The following FNDC3B variants were observed in gnomAD, a reference collection of about 807,000 sequenced individuals.
FNDC3B encodes fibronectin type III domain containing 3B, also known as fibronectin type III domain-containing protein 3B.
FNDC3B carries 12 observed loss-of-function variants against 151.5 expected under a neutral mutation model. The ratio of observed to expected loss-of-function variants is 0.08; its 90% CI spans 0.05 to 0.13. FNDC3B has a LOEUF of 0.13. Among genes scored for constraint, FNDC3B ranks in the 10% least tolerant of loss-of-function variants. The probability of loss-of-function intolerance (pLI) is 1.00; values close to 1 mark genes in which losing one functional copy is unlikely to be tolerated. For synonymous variants in FNDC3B, 528 were observed against 549.0 expected (o/e 0.96, Z 0.54); for missense variants, 1,214 against 1,505.3 (o/e 0.81, Z 3.20).
At chr3:172,367,235 A>G (rs1431919766) in intron 23 of FNDC3B, among the ~76,000 whole-genome samples, 1 of 151,910 alleles carries the variant, frequency 6.6e-6, no homozygotes, top group Non-Finnish European at 1.5e-5. Context: ...TATAGAACTA[A>G]GTTCATTTCA....
chr3:172,132,604 C>G (rs988869923), intron 2 of FNDC3B, among the ~76,000 whole-genome samples: 1 of 152,158 alleles, frequency 6.6e-6, no homozygotes, highest in Non-Finnish European at 1.5e-5. Context: ...CCAGGTTTCA[C>G]CCAGGTTGGT....
chr3:172,205,724 T>C (rs768601832), intron 3 of FNDC3B, among the ~76,000 whole-genome samples: 1 of 152,246 alleles, frequency 6.6e-6, no homozygotes, highest in Non-Finnish European at 1.5e-5. Context: ...CTGAAGGTCA[T>C]CAAAATCTAA....
chr3:172,048,309 C>A (rs1214350010), intron 1 of FNDC3B, among the ~76,000 whole-genome samples: 1 of 151,946 alleles, frequency 6.6e-6, no homozygotes, highest in Non-Finnish European at 1.5e-5. Flanking sequence ...CCTTCTATAT[C>A]TTTTATTGTT....
chr3:172,132,237 C>G (rs1004146324), intron 2 of FNDC3B, among the ~76,000 whole-genome samples: 1 of 152,086 alleles, frequency 6.6e-6, no homozygotes, highest in Admixed American at 6.5e-5. Context: ...GTATCACAGA[C>G]AGAGGAAACA....
chr3:172,048,611 G>A (rs898673923), intron 1 of FNDC3B, among the ~76,000 whole-genome samples: 8 of 152,076 alleles, frequency 5.3e-5, no homozygotes, highest in African/African-American at 9.7e-5. Flanking sequence ...ATTCCTATAC[G>A]CAAAAGAAAG....
chr3:172,204,542 CAG>C (rs1184950105), intron 3 of FNDC3B, among the ~76,000 whole-genome samples: 4 of 152,100 alleles, frequency 2.6e-5, no homozygotes, highest in Non-Finnish European at 5.9e-5. Context: ...AAATGGGTGA[CAG>C]AGTTTTATTC....
At chr3:172,088,602 T>G (rs1431009875) in intron 1 of FNDC3B, among the ~76,000 whole-genome samples, 1 of 152,250 alleles carries the variant, frequency 6.6e-6, no homozygotes, top group Non-Finnish European at 1.5e-5. Context: ...AGCTATTACA[T>G]TTCTTTAAAC....
intron 3 of FNDC3B, among the ~76,000 whole-genome samples, chr3:172,197,313 T>C (rs1252007053): frequency 6.6e-6 from 1 of 152,226 alleles, no homozygotes; most frequent in Non-Finnish European, 1.5e-5. Flanking sequence ...AACCCCAACT[T>C]AGTTTAGAGA....
intron 3 of FNDC3B, among the ~76,000 whole-genome samples, chr3:172,172,025 A>G (rs778588251): frequency 7.2e-5 from 11 of 152,198 alleles, no homozygotes; most frequent in African/African-American, 1.2e-4. Context: ...GTGCCTAGCC[A>G]TCATTCCATT....
At chr3:172,147,520 C>T (rs183662973) in intron 3 of FNDC3B, among the ~76,000 whole-genome samples, 3 of 152,018 alleles carry the variant, frequency 2.0e-5, no homozygotes, top group African/African-American at 7.2e-5. Flanking sequence ...GGTGGGTGGT[C>T]CCTATAGTAT....
rs915895345 is a variant in FNDC3B, at chr3:172,112,649, G to A, written c.111+59G>A. 7 of 1,129,110 alleles carry A rather than the reference G, an allele frequency of 6.2e-6. No individual in the cohort carries two copies. The African/African-American group carries it at 9.2e-5, about 15-fold the overall frequency. 69.9% of individuals were successfully genotyped at this position (1,129,110 alleles called of 1,614,324 possible). A position where few individuals can be genotyped will look rare whatever the true frequency, so the allele number is the denominator to read the frequency against. On this transcript the variant is annotated intron_variant, in intron 2 of 25. Transcript: ENST00000415807. ...TGTCTAAGTGGGAAACAGTAACACA[G>A]TATTTGATTTATTTTGGGATTCAAA... is the stretch of plus-strand genomic sequence containing the variant.
At chr3:172,157,906 G>T (rs1167726910) in intron 3 of FNDC3B, among the ~76,000 whole-genome samples, 2 of 152,120 alleles carry the variant, frequency 1.3e-5, no homozygotes, top group Non-Finnish European at 2.9e-5. Flanking sequence ...CCAACGTGAT[G>T]GTATTAAGAG....
intron 4 of FNDC3B, among the ~76,000 whole-genome samples, chr3:172,230,248 T>C (rs1162674346): frequency 6.6e-6 from 1 of 151,888 alleles, no homozygotes; most frequent in Non-Finnish European, 1.5e-5. Context: ...ATCCCAACAC[T>C]TTGGGAGGCC....
At chr3:172,214,116 G>T (rs1406734968) in intron 3 of FNDC3B, among the ~76,000 whole-genome samples, 4 of 152,136 alleles carry the variant, frequency 2.6e-5, no homozygotes, top group African/African-American at 9.7e-5. Flanking sequence ...ATTGCTTGGG[G>T]GTGTTTACTG....
chr3:172,255,767 C>G (rs1728305216), intron 6 of FNDC3B, among the ~76,000 whole-genome samples: 1 of 152,186 alleles, frequency 6.6e-6, no homozygotes, highest in Non-Finnish European at 1.5e-5. Context: ...GGGGTCCTCT[C>G]TGGTGGAATT....
chr3:172,326,971 G>C (rs1320943540), intron 11 of FNDC3B, among the ~76,000 whole-genome samples: 1 of 152,170 alleles, frequency 6.6e-6, no homozygotes, highest in Non-Finnish European at 1.5e-5. Context: ...TGCTTACTCT[G>C]AGTTCAGAAA....
chr3:172,378,518 T>C, intron 24 of FNDC3B, 82 bp downstream of exon 24: 4 of 1,226,444 alleles, frequency 3.3e-6, no homozygotes, highest in African/African-American at 1.5e-5. Flanking sequence ...TCTTTTCTGA[T>C]GTTAAATATA....
intron 3 of FNDC3B, among the ~76,000 whole-genome samples, chr3:172,223,043 C>G (rs1726368434): frequency 6.6e-6 from 1 of 152,184 alleles, no homozygotes; most frequent in Non-Finnish European, 1.5e-5. Flanking sequence ...CTTTCTGGTT[C>G]AAGGTTTAAG....
intron 23 of FNDC3B, 138 bp from the exon 24 acceptor site, chr3:172,378,132 A>T: frequency 1.6e-6 from 1 of 617,912 alleles, no homozygotes; most frequent in Non-Finnish European, 2.7e-6. Flanking sequence ...TAATGTAGCA[A>T]CTGGCTGATT....
Sources: allele counts gnomAD v4.1 joint callset (sites outside exome capture counted in the v4.1 genomes callset), GRCh38; gene constraint gnomAD v4.1.1; transcripts MANE v1.5; gene names NCBI Gene and HGNC (gene_info 2026-07-23, HGNC 2026-07-21).